The following ADGRA2 variants were observed in gnomAD, a reference collection of about 807,000 sequenced individuals.
The protein encoded by ADGRA2 is adhesion G protein-coupled receptor A2, also known as G-protein coupled receptor 124.
In ADGRA2, 61 loss-of-function variants were observed where a neutral mutation model predicts 98.7. The observed-to-expected ratio is 0.62, with a 90% CI of 0.50 to 0.76. The LOEUF is 0.76. ADGRA2 is among the 30% of genes least tolerant of loss of function. ADGRA2 has a pLI of 0.00. For synonymous variants in ADGRA2, 858 were observed against 831.5 expected (o/e 1.03, Z -0.55); for missense variants, 1,712 against 1,860.0 (o/e 0.92, Z 1.46).
chr8:37,830,909 C>T lies in ADGRA2; in HGVS notation c.918C>T (p.Cys306=). The T allele has an allele frequency of 6.3e-7, 1 of 1,576,200 alleles. No homozygotes were observed. The highest frequency in any genetic ancestry group is 1.2e-5 in the South Asian group (1 of 86,236). ...TGGCCGAGAGCCTCATCCACGACTG[C>T]ACCTTCATCACCAGGTATGAGCCCC... ...ILLAESLIHD[C]TFITSELTLS... is the part of the protein sequence containing the mutation. The change falls in exon 7 of 19, where the codon TGC becomes TGT. Residue 306 remains cysteine (C), a synonymous_variant. Transcript: ENST00000412232. This position sits in a 1 kb window ranked among gnomAD's most constrained non-coding sequence, Gnocchi z 4.8.
intron 1 of ADGRA2, among the ~76,000 whole-genome samples, chr8:37,812,500 A>G (rs972627282): frequency 2.1e-4 from 32 of 151,824 alleles, no homozygotes; most frequent in African/African-American, 7.0e-4. Flanking sequence ...GGTGGCGGGC[A>G]CCTGTAGTCC....
At position 37,833,096 on chromosome 8, in the gene ADGRA2, C is replaced by T. The variant is rs762613563; in HGVS notation, c.1184C>T (p.Pro395Leu). 2.0e-5 allele frequency: 32 copies of T among 1,610,010 alleles called. No individual in the cohort carries two copies. Among genetic ancestry groups the T allele is most frequent in the Admixed American group, 8.3e-5 (5 of 59,994 alleles). Residue 395 changes from proline (P) to leucine (L), a missense_variant, in exon 9 of 19, where the codon CCG (proline) becomes CTG (leucine). Pro to Leu is a moderately conservative substitution (Grantham distance 98). Transcript: ENST00000412232. The part of the protein sequence containing the change: ...FTSVPLGGGA[P>L]GTRASRRCDR... ...TCAGTGCCCCTGGGCGGGGGTGCCCCGGGCACCCGAGCCTCCCGCCGGTGT... is the reference window on the plus strand; with the variant it reads ...TCAGTGCCCCTGGGCGGGGGTGCCCTGGGCACCCGAGCCTCCCGCCGGTGT...
chr8:37,830,753 A>G lies in ADGRA2; in HGVS notation c.762A>G (p.Leu254=). 6.2e-7 allele frequency: 1 copy of G among 1,605,900 alleles called. No individual in the cohort carries two copies. Among genetic ancestry groups the G allele is most frequent in the South Asian group, 1.1e-5 (1 of 89,368 alleles). ...ACACACACCACCTCATCCCGTCCCT[A>G]CGCCAAGTGGTGTTCCAGGGGGATC... The part of the protein sequence containing the change: ...ELHTHHLIPS[L]RQVVFQGDRL... Residue 254 remains leucine, a synonymous_variant, in exon 7 of 19, where the codon CTA becomes CTG. Transcript: ENST00000412232. This position sits in a 1 kb window ranked among gnomAD's most constrained non-coding sequence, Gnocchi z 4.8.
rs375559793 is a variant in ADGRA2 at position 37,835,609 on chromosome 8, C to T, written c.1889C>T (p.Pro630Leu). 59 of 1,613,688 alleles carry T rather than the reference C, an allele frequency of 3.7e-5. No homozygotes were observed. Among genetic ancestry groups the T allele is most frequent in the Non-Finnish European group, 4.7e-5 (56 of 1,179,762 alleles). ...CCCCCGAGTCTATTCTCATCCCTTCCGGCTGCCCTGGCTCCCCCGGTGCCC... is the reference window on the plus strand; with the variant it reads ...CCCCCGAGTCTATTCTCATCCCTTCTGGCTGCCCTGGCTCCCCCGGTGCCC... Reference protein sequence around the residue: ...QLPPSLFSSLPAALAPPVPPD... With the variant: ...QLPPSLFSSLLAALAPPVPPD... Residue 630 changes from proline (P) to leucine (L), a missense_variant, in exon 13 of 19, where the codon CCG (proline) becomes CTG (leucine). Transcript: ENST00000412232.
intron 2 of ADGRA2, among the ~76,000 whole-genome samples, chr8:37,822,747 C>A (rs1358036049): frequency 6.6e-6 from 1 of 152,174 alleles, no homozygotes; most frequent in Non-Finnish European, 1.5e-5. Context: ...TAACTCGATT[C>A]TTTCAGCATG....
In ADGRA2 at chr8:37,839,348, A is replaced by G. The variant is rs1805721587; in HGVS notation, c.2388-151A>G. Reference sequence around the variant, plus strand: ...GGGTTGGAATCACTTTGAGGGGTTAAGGACTCCCTACCCTATGGCCTCTGT... The same window carrying G: ...GGGTTGGAATCACTTTGAGGGGTTAGGGACTCCCTACCCTATGGCCTCTGT... On this transcript the variant is annotated intron_variant, in intron 15 of 18. Transcript: ENST00000412232. The G allele has an allele frequency of 2.8e-6, 4 of 1,419,372 alleles. No homozygotes were observed. The African/African-American group carries it at 5.7e-5, about 20-fold the overall frequency. 87.9% of individuals were successfully genotyped at this position (1,419,372 alleles called of 1,614,324 possible). A position where few individuals can be genotyped will look rare whatever the true frequency, so the allele number is the denominator to read the frequency against.
At chr8:37,836,909 C>T (rs1805630735) in intron 13 of ADGRA2, among the ~76,000 whole-genome samples, 1 of 152,208 alleles carries the variant, frequency 6.6e-6, no homozygotes, top group Admixed American at 6.5e-5. Context: ...TGGCCAGGGA[C>T]ACTCACTGAG....
intron 1 of ADGRA2, among the ~76,000 whole-genome samples, chr8:37,801,177 T>G (rs1191764776): frequency 6.6e-6 from 1 of 152,226 alleles, no homozygotes; most frequent in African/African-American, 2.4e-5. Context: ...CTCTGCCTTC[T>G]GTTTTTGCAT....
In ADGRA2 at chr8:37,844,843, G is replaced by C; in HGVS notation, c.*2488G>C. On this transcript the variant is annotated 3_prime_UTR_variant, in exon 19 of 19. Coordinates refer to ENST00000412232, the MANE Select transcript of ADGRA2 (RefSeq NM_032777.10). The stretch of plus-strand genomic sequence containing the variant: ...GCAGAGCGGACCAGTGACTGGCGGT[G>C]CTGGAGAAGGTCACCGATGTGCTTC... 1 of 1,614,212 alleles carries C rather than the reference G, an allele frequency of 6.2e-7. No individual in the cohort carries two copies. The highest frequency in any genetic ancestry group is 8.5e-7 in the Non-Finnish European group (1 of 1,180,046).
At position 37,831,563 on chromosome 8, in the gene ADGRA2, T is replaced by A. The variant is rs1444423559; in HGVS notation, c.1073T>A (p.Val358Asp). The A allele has an allele frequency of 2.5e-6, 4 of 1,613,728 alleles. No homozygotes were observed. The African/African-American group carries it at 5.3e-5, about 22-fold the overall frequency. The change falls in exon 8 of 19, where the codon GTT becomes GAT. Residue 358 changes from valine (V) to aspartate (D), a missense_variant. Transcript: ENST00000412232. ...TSASYCPAER[V>D]ANNRGDFRWP... ...GCCTCCTACTGCCCCGCCGAGCGTG[T>A]TGCCAACAACCGCGGGGACTTCAGG...
At position 37,839,615 on chromosome 8, in the gene ADGRA2, G is replaced by T. The variant is rs780377873; in HGVS notation, c.2504G>T (p.Cys835Phe). ...ACACTCACCAACTACCAGATGGTCT[G>T]CCAGGCGGTAAGCAGGAGAAGGGGC... ...GITLTNYQMV[C>F]QAVGITLHYS... The change falls in exon 16 of 19, where the codon TGC (cysteine) becomes TTC (phenylalanine). Residue 835 changes from cysteine (C) to phenylalanine (F), a missense_variant. Transcript: ENST00000412232. 1.9e-6 allele frequency: 3 copies of T among 1,613,978 alleles called. No homozygotes were observed. Among genetic ancestry groups the T allele is most frequent in the Non-Finnish European group, 1.7e-6 (2 of 1,179,914 alleles).
Position 37,797,293 on chromosome 8 carries a change from C to CG in ADGRA2, c.31dup (p.Ala11GlyfsTer74). On this transcript the variant is annotated frameshift_variant, in exon 1 of 19. Coordinates refer to ENST00000412232, the MANE Select transcript of ADGRA2 (RefSeq NM_032777.10). LOFTEE classifies it high-confidence loss of function. This position sits in a 1 kb window ranked among gnomAD's most constrained non-coding sequence, Gnocchi z 5.3. ...GATGGGCGCCGGGGGACGCAGGATG[C>CG]GGGGGGCGCCCGCGCGCCTGCTGCT... The CG allele has an allele frequency of 1.5e-6, 2 of 1,307,598 alleles. No individual in the cohort carries two copies. The highest frequency in any genetic ancestry group is 1.9e-6 in the Non-Finnish European group (2 of 1,035,376). The allele number at this position is 1,307,598 out of a possible 1,614,324, so 81.0% of individuals were successfully genotyped here. A position where few individuals can be genotyped will look rare whatever the true frequency, so the allele number is the denominator to read the frequency against.
chr8:37,842,313 C>T lies in ADGRA2; in HGVS notation c.3975C>T (p.Gly1325=), dbSNP rs1076826. 540 of 1,542,460 alleles carry T rather than the reference C, an allele frequency of 3.5e-4. 2 individuals are homozygous for T. In the African/African-American group the frequency reaches 6.6e-3, roughly 19 times the overall value. ...TLMGAEVASG[G]CMKTGLWKSE... is the part of the protein sequence containing the mutation. ...TGGGCGCGGAGGTAGCCAGCGGCGG[C>T]TGCATGAAGACCGGACTCTGGAAGA... The change falls in exon 19 of 19, where the codon GGC becomes GGT. Residue 1325 remains glycine (G), a synonymous_variant. Transcript: ENST00000412232.
intron 2 of ADGRA2, among the ~76,000 whole-genome samples, chr8:37,823,454 G>A (rs1010746752): frequency 1.3e-5 from 2 of 152,086 alleles, no homozygotes; most frequent in Non-Finnish European, 2.9e-5. Context: ...TCCTACTTCA[G>A]CCTCCCAAAG....
intron 2 of ADGRA2, among the ~76,000 whole-genome samples, chr8:37,819,184 C>T (rs547780778): frequency 1.3e-5 from 2 of 152,200 alleles, no homozygotes; most frequent in Non-Finnish European, 2.9e-5. Context: ...GGGACACCCA[C>T]AGCGCCCATA....
chr8:37,835,619 G>A lies in ADGRA2; in HGVS notation c.1899G>A (p.Leu633=), dbSNP rs1805587067. ...PSLFSSLPAA[L]APPVPPDCTL... ...TATTCTCATCCCTTCCGGCTGCCCT[G>A]GCTCCCCCGGTGCCCCCAGACTGCA... Residue 633 remains leucine, a synonymous_variant, in exon 13 of 19, where the codon CTG becomes CTA. Coordinates refer to ENST00000412232, the MANE Select transcript of ADGRA2 (RefSeq NM_032777.10). 6 of 1,613,730 alleles carry A rather than the reference G, an allele frequency of 3.7e-6. No homozygotes were observed. The South Asian group carries it at 6.6e-5, about 18-fold the overall frequency.
At chr8:37,829,356 G>A (rs1805386882) in intron 4 of ADGRA2, 24 bp downstream of exon 4, 2 of 1,600,746 alleles carry the variant, frequency 1.2e-6, no homozygotes, top group East Asian at 4.5e-5. Flanking sequence ...TGAGAAGTGG[G>A]GAGGGGAGGA....
rs1385668985 is a variant in ADGRA2 at position 37,830,971 on chromosome 8, A to ACCTAC, written c.932+56_932+60dup. ...TCAGGCCTCAGCATGGGGTTAGGGG[A>ACCTAC]CCTACCCTACCCGTCACCACCCCGC... On this transcript the variant is annotated intron_variant, in intron 7 of 18. Coordinates refer to ENST00000412232, the MANE Select transcript of ADGRA2 (RefSeq NM_032777.10). The surrounding 1 kb of genome is among the most constrained non-coding windows in gnomAD (Gnocchi z 4.8). The ACCTAC allele has an allele frequency of 7.2e-7, 1 of 1,384,682 alleles. No individual in the cohort carries two copies. Among genetic ancestry groups the ACCTAC allele is most frequent in the African/African-American group, 1.4e-5 (1 of 70,070 alleles). The allele number at this position is 1,384,682 out of a possible 1,614,324, so 85.8% of individuals were successfully genotyped here. A position where few individuals can be genotyped will look rare whatever the true frequency, so the allele number is the denominator to read the frequency against.
chr8:37,804,130 C>CACACACACACACACAT lies in ADGRA2; in HGVS notation c.266+6611_266+6612insTACACACACACACACA, dbSNP rs1554522473. ...ACACACACACACACACACACACACA[C>CACACACACACACACAT]ACACACACACACACACACACACGGC... On this transcript the variant is annotated intron_variant, in intron 1 of 18. Transcript: ENST00000412232. Among the ~76,000 whole-genome samples the CACACACACACACACAT allele has an allele frequency of 8.0e-3, 1,187 of 148,654 alleles. 25 individuals carry two copies. Among genetic ancestry groups the CACACACACACACACAT allele is most frequent in the African/African-American group, 0.027 (1,053 of 39,698 alleles).
Sources: allele counts gnomAD v4.1 joint callset (sites outside exome capture counted in the v4.1 genomes callset), GRCh38; gene constraint gnomAD v4.1.1; non-coding constraint Gnocchi (gnomAD v3.1); transcripts MANE v1.5; gene names NCBI Gene and HGNC (gene_info 2026-07-23, HGNC 2026-07-21).